The following TNS3 variants were observed in gnomAD, a reference collection of about 807,000 sequenced individuals.
TNS3 encodes tensin 3.
A neutral mutation model predicts 140.9 loss-of-function variants in TNS3; 45 were observed. That is an observed-to-expected ratio of 0.32 (90% CI 0.25 to 0.41). TNS3 has a LOEUF of 0.41. Ranked by LOEUF, TNS3 falls within the 10% of genes least tolerant of loss-of-function variation. TNS3 has a pLI of 1.00. For missense variants in TNS3, 1,716 were observed against 1,906.7 expected (o/e 0.90, Z 1.86); for synonymous variants, 815 against 788.4 (o/e 1.03, Z -0.56).
rs144126137 is a variant in TNS3 at position 47,550,708 on chromosome 7, C to G, written c.-264-21561G>C. 3.2e-3 allele frequency among the ~76,000 whole-genome samples: 491 copies of G among 152,230 alleles called. 3 individuals carry two copies. Among genetic ancestry groups the G allele is most frequent in the African/African-American group, 0.011 (458 of 41,534 alleles). ...GAAGGGCAGGGTACAGAATTATGCA[C>G]AACAAAAAAGGCTGGAAGCAGTTTT... is the stretch of plus-strand genomic sequence containing the variant. On this transcript the variant is annotated intron_variant, in intron 1 of 30. Transcript: ENST00000311160.
chr7:47,424,786 T>TCCAACCCCA (rs1794563380), intron 9 of TNS3, among the ~76,000 whole-genome samples: 1 of 152,136 alleles, frequency 6.6e-6, no homozygotes. Context: ...TGGAAAGGTG[T>TCCAACCCCA]CTCAGGCCTC....
intron 30 of TNS3, chr7:47,278,421 T>C: frequency 1.7e-6 from 1 of 602,458 alleles, no homozygotes; most frequent in African/African-American, 1.8e-5. Context: ...GATGTCTGAC[T>C]CTAGCTCTGC....
upstream of TNS3, chr7:47,582,558 G>T (rs180896476): frequency 2.4e-4 from 107 of 451,016 alleles, no homozygotes; most frequent in African/African-American, 1.8e-3. Context: ...TGGGAGTCGC[G>T]CATACATAAA....
In TNS3 at chr7:47,280,165, T is replaced by C. The variant is rs536929378; in HGVS notation, c.4192A>G (p.Lys1398Glu). 5 of 1,614,154 alleles carry C rather than the reference T, an allele frequency of 3.1e-6. No individual in the cohort carries two copies. Among genetic ancestry groups the C allele is most frequent in the African/African-American group, 2.7e-5 (2 of 75,044 alleles). Residue 1398 changes from lysine to glutamate, a missense_variant and splice_region_variant, in exon 30 of 31, where the codon AAA becomes GAA. Transcript: ENST00000311160. ...TGTAAAGAAATCTCAGCAACTTACTTTGAGGAAGGGCCATCTTTGATCCAC... is the reference window on the plus strand; with the variant it reads ...TGTAAAGAAATCTCAGCAACTTACTCTGAGGAAGGGCCATCTTTGATCCAC... ...RKWIKDGPSS[K>E]VFGFVARKQG...
chr7:47,330,724 T>G (rs6970849), intron 20 of TNS3, among the ~76,000 whole-genome samples: 57,157 of 151,684 alleles, frequency 0.38, 10,847 homozygotes, highest in South Asian at 0.48. Context: ...AAAAGGGGCA[T>G]TAAACCAAGG....
At chr7:47,525,851 G>A (rs557065646) in intron 2 of TNS3, among the ~76,000 whole-genome samples, 2 of 152,278 alleles carry the variant, frequency 1.3e-5, no homozygotes, top group Admixed American at 1.3e-4. Context: ...TCACCCCTCC[G>A]TAATATTTCA....
At chr7:47,542,045 T>C (rs1799802645) in intron 1 of TNS3, among the ~76,000 whole-genome samples, 1 of 151,766 alleles carries the variant, frequency 6.6e-6, no homozygotes, top group South Asian at 2.1e-4. Context: ...TCAGCTTCCA[T>C]GCGTCGTGGG....
intron 4 of TNS3, among the ~76,000 whole-genome samples, chr7:47,464,482 G>A (rs1447969589): frequency 6.6e-6 from 1 of 152,072 alleles, no homozygotes; most frequent in Non-Finnish European, 1.5e-5. Context: ...TGCTCAAGGT[G>A]GCCCCGGGTG....
At position 47,449,261 on chromosome 7, in the gene TNS3, C is replaced by A. The variant is rs149696454; in HGVS notation, c.-75-7206G>T. Among the ~76,000 whole-genome samples, 1,268 of 152,308 alleles carry A rather than the reference C, an allele frequency of 8.3e-3. 19 individuals carry two copies. Among genetic ancestry groups the A allele is most frequent in the Middle Eastern group, 0.034 (10 of 294 alleles). The stretch of plus-strand genomic sequence containing the variant: ...CTATGTCGTGCAATTAATGCTAGTG[C>A]GGCATTTCAAATGGAGCATCCTTCA... On this transcript the variant is annotated intron_variant, in intron 4 of 30. Transcript: ENST00000311160.
intron 20 of TNS3, among the ~76,000 whole-genome samples, chr7:47,340,160 G>T (rs1353703575): frequency 1.8e-5 from 2 of 109,504 alleles, no homozygotes; most frequent in South Asian, 6.7e-4. Context: ...AGTCTAGCTC[G>T]TCGCCAGGCT....
Position 47,303,499 on chromosome 7 carries a change from G to A in TNS3, c.2908C>T (p.Pro970Ser), listed in dbSNP as rs776053090. The change falls in exon 22 of 31, where the codon CCC (proline) becomes TCC (serine). Residue 970 changes from proline to serine, a missense_variant. This residue lies in a region of TNS3 where 1,163 missense variants were observed against 1,182.1 expected (regional missense o/e 0.98). Transcript: ENST00000311160. ...LLGSGRPTGSPLSAEFSGTRK... is the reference protein window; with the variant it reads ...LLGSGRPTGSSLSAEFSGTRK... Reference sequence around the variant, plus strand: ...GTACCGGAGAACTCAGCGCTGAGGGGACTTCCGGTGGGCCGGCCGCTCCCC... The same window carrying A: ...GTACCGGAGAACTCAGCGCTGAGGGAACTTCCGGTGGGCCGGCCGCTCCCC... 3.1e-6 allele frequency: 5 copies of A among 1,609,786 alleles called. No homozygotes were observed. The East Asian group carries it at 1.1e-4, about 36-fold the overall frequency.
chr7:47,296,813 C>T (rs761153237), intron 24 of TNS3, among the ~76,000 whole-genome samples: 4 of 152,054 alleles, frequency 2.6e-5, no homozygotes, highest in African/African-American at 4.8e-5. Flanking sequence ...GGAAGCAAAA[C>T]GGGCTTAGTG....
intron 1 of TNS3, among the ~76,000 whole-genome samples, chr7:47,572,823 A>T (rs557819264): frequency 6.6e-6 from 1 of 152,118 alleles, no homozygotes; most frequent in South Asian, 2.1e-4. Flanking sequence ...CAGTGAGCTG[A>T]GATCGTGCCT....
chr7:47,354,315 G>C (rs529033590), intron 17 of TNS3, among the ~76,000 whole-genome samples: 27 of 152,218 alleles, frequency 1.8e-4, no homozygotes, highest in Middle Eastern at 6.8e-3. Flanking sequence ...GCCAGCACTG[G>C]AGAGCACCTG....
chr7:47,333,504 G>C (rs1302817207), intron 20 of TNS3, among the ~76,000 whole-genome samples: 1 of 152,118 alleles, frequency 6.6e-6, no homozygotes, highest in African/African-American at 2.4e-5. Flanking sequence ...TGAGGCTCTA[G>C]AAAATCCAAA....
intron 10 of TNS3, among the ~76,000 whole-genome samples, chr7:47,423,114 C>T (rs1584624932): frequency 6.6e-6 from 1 of 152,200 alleles, no homozygotes; most frequent in African/African-American, 2.4e-5. Context: ...CCGTCTACCC[C>T]CATGTCTGCT....
intron 1 of TNS3, among the ~76,000 whole-genome samples, chr7:47,560,365 G>A (rs1800297820): frequency 6.6e-6 from 1 of 152,140 alleles, no homozygotes; most frequent in Admixed American, 6.5e-5. Flanking sequence ...CCAGCCTCCA[G>A]AACTGTGAGA....
At chr7:47,406,369 T>C (rs539483010) in intron 13 of TNS3, among the ~76,000 whole-genome samples, 2 of 152,288 alleles carry the variant, frequency 1.3e-5, no homozygotes, top group South Asian at 4.2e-4. Flanking sequence ...GGCTCTGTTT[T>C]CCCAAGTCAC....
chr7:47,364,022 C>T (rs1790547796), intron 17 of TNS3, among the ~76,000 whole-genome samples: 1 of 152,120 alleles, frequency 6.6e-6, no homozygotes, highest in Admixed American at 6.5e-5. Flanking sequence ...GCATCCCCAA[C>T]CTTCTGACGA....
Sources: gnomAD v4.1 joint callset for allele counts (sites outside exome capture counted in the v4.1 genomes callset) on GRCh38, gnomAD v4.1.1 for gene constraint, gnomAD v4.1.1 regional missense constraint, MANE v1.5 for transcripts, NCBI Gene and HGNC (gene_info 2026-07-23, HGNC 2026-07-21) for gene names.